Variants in FHDC1 observed in about 807,000 individuals in gnomAD.
The protein encoded by FHDC1 is FH2 domain-containing protein 1.
In FHDC1, 25 loss-of-function variants were observed where a neutral mutation model predicts 52.6. The observed-to-expected ratio is 0.48, with a 90% CI of 0.35 to 0.66. The LOEUF (loss-of-function observed/expected upper bound fraction) is 0.66, where lower values mean the gene tolerates loss of function less well. FHDC1 is among the 30% of genes least tolerant of loss of function. The pLI is 0.01. For synonymous variants in FHDC1, 616 were observed against 581.5 expected (o/e 1.06, Z -0.85); for missense variants, 1,459 against 1,452.8 (o/e 1.00, Z -0.07).
intron 6 of FHDC1, among the ~76,000 whole-genome samples, chr4:152,962,193 C>T (rs917886951): frequency 2.6e-5 from 4 of 151,978 alleles, no homozygotes; most frequent in African/African-American, 4.8e-5. Context: ...ACTAGTTTAC[C>T]AATATATTAC....
In FHDC1 at chr4:152,975,970, C is replaced by G. The variant is rs756965717; in HGVS notation, c.2679C>G (p.Thr893=). 1.3e-6 allele frequency: 2 copies of G among 1,522,658 alleles called. No homozygotes were observed. The highest frequency in any genetic ancestry group is 1.8e-6 in the Non-Finnish European group (2 of 1,137,748). The allele number at this position is 1,522,658 out of a possible 1,614,324, so 94.3% of individuals were successfully genotyped here. The change falls in exon 12 of 12, where the codon ACC becomes ACG. Residue 893 remains threonine (T), a synonymous_variant. Transcript: ENST00000511601. ...GGGCAGTGGCCAAGTCTGTGCGGAC[C>G]CTGACCGCCTCAGAGAACGAGAGCA... ...SQGAVAKSVR[T]LTASENESMR...
At chr4:152,937,575 A>G (rs1739428121) in intron 1 of FHDC1, among the ~76,000 whole-genome samples, 1 of 151,492 alleles carries the variant, frequency 6.6e-6, no homozygotes, top group Non-Finnish European at 1.5e-5. Context: ...CGGACGGGAG[A>G]GCGGTCGGCG....
At chr4:152,937,607 G>A (rs1200361269) in intron 1 of FHDC1, among the ~76,000 whole-genome samples, 1 of 151,642 alleles carries the variant, frequency 6.6e-6, no homozygotes, top group Non-Finnish European at 1.5e-5. Context: ...CGAGGGTCGT[G>A]CAACGCCCGC....
chr4:152,954,154 G>A, intron 3 of FHDC1, 63 bp from the exon 4 acceptor site: 1 of 1,395,908 alleles, frequency 7.2e-7, no homozygotes. Context: ...ATTTCCACTG[G>A]CTTGCACCTC....
chr4:152,957,920 A>C (rs925833), intron 4 of FHDC1, among the ~76,000 whole-genome samples: 87,550 of 151,718 alleles, frequency 0.58, 26,668 homozygotes, highest in African/African-American at 0.76. Flanking sequence ...GCCAGGGAAC[A>C]CCCCCACCAC....
the FHDC1 span, among the ~76,000 whole-genome samples, chr4:152,913,758 A>C: frequency 1.3e-5 from 2 of 152,236 alleles, no homozygotes; most frequent in Non-Finnish European, 2.9e-5. Flanking sequence ...GGCTCACTGC[A>C]ACCTCCGCCT....
At chr4:152,930,893 T>C in the FHDC1 span, among the ~76,000 whole-genome samples, 2 of 151,852 alleles carry the variant, frequency 1.3e-5, no homozygotes, top group African/African-American at 2.4e-5. Context: ...CACCAACATG[T>C]CCCTTTGCCC....
chr4:152,942,831 C>T, intron 1 of FHDC1, 97 bp from the exon 2 acceptor site: 1 of 459,402 alleles, frequency 2.2e-6, no homozygotes, highest in Admixed American at 3.8e-5. Flanking sequence ...TTTTCATATC[C>T]AACTCATATG....
intron 8 of FHDC1, among the ~76,000 whole-genome samples, chr4:152,964,214 A>T (rs1480622397): frequency 1.3e-5 from 2 of 152,234 alleles, no homozygotes; most frequent in African/African-American, 4.8e-5. Flanking sequence ...TGAGCTCTCC[A>T]TAAATAACCA....
intron 11 of FHDC1, among the ~76,000 whole-genome samples, chr4:152,973,251 G>A (rs1217932002): frequency 6.6e-6 from 1 of 152,206 alleles, no homozygotes; most frequent in Non-Finnish European, 1.5e-5. Context: ...GGGTGGTGTT[G>A]AGGAAGCAAA....
At chr4:152,974,485 T>TAC (rs148342777) in intron 11 of FHDC1, among the ~76,000 whole-genome samples, 190 bp from the exon 12 acceptor site, 3 of 151,852 alleles carry the variant, frequency 2.0e-5, no homozygotes, top group Non-Finnish European at 4.4e-5. Flanking sequence ...ACCCTCCCTC[T>TAC]ACACACACAC....
chr4:152,968,610 G>A (rs1372357605), intron 10 of FHDC1, among the ~76,000 whole-genome samples: 1 of 152,166 alleles, frequency 6.6e-6, no homozygotes, highest in African/African-American at 2.4e-5. Flanking sequence ...GATTACAGGT[G>A]TGAGCCACCG....
Position 152,976,558 on chromosome 4 carries a change from C to G in FHDC1, c.3267C>G (p.Ala1089=). Reference sequence around the variant, plus strand: ...AGGACAGCAGCACTTTGAGGCGAGCCAGCAGTGCCCGGGCCCCCAAGAAGC... The same window carrying G: ...AGGACAGCAGCACTTTGAGGCGAGCGAGCAGTGCCCGGGCCCCCAAGAAGC... ...APKDSSTLRR[A]SSARAPKKRP... Residue 1089 remains alanine (A), a synonymous_variant, in exon 12 of 12, where the codon GCC becomes GCG. Transcript: ENST00000511601. The G allele has an allele frequency of 6.2e-7, 1 of 1,612,860 alleles. No homozygotes were observed.
intron 8 of FHDC1, among the ~76,000 whole-genome samples, chr4:152,963,780 T>TG (rs1740365015): frequency 5.3e-5 from 6 of 113,520 alleles, no homozygotes; most frequent in East Asian, 2.8e-4. Context: ...TTTTTTTTTT[T>TG]TTTTTTTTTT....
the FHDC1 span, among the ~76,000 whole-genome samples, chr4:152,920,789 G>A: frequency 6.6e-6 from 1 of 151,842 alleles, no homozygotes; most frequent in African/African-American, 2.4e-5. Context: ...TTTATTAAAA[G>A]TAAATCAATA....
In FHDC1 at chr4:152,960,450, T is replaced by A. The variant is rs1174200870; in HGVS notation, c.664-115T>A. The A allele has an allele frequency of 3.2e-6, 3 of 936,900 alleles. No individual in the cohort carries two copies. In the East Asian group the frequency reaches 7.9e-5, roughly 25 times the overall value. The allele number at this position is 936,900 out of a possible 1,614,324, so 58.0% of individuals were successfully genotyped here. A position where few individuals can be genotyped will look rare whatever the true frequency, so the allele number is the denominator to read the frequency against. On this transcript the variant is annotated intron_variant, in intron 4 of 11. Transcript: ENST00000511601. ...CTTTTTTGTCTTTTCTAAATTAATT[T>A]GAATTTAGCACTAAAATCCTATTTT...
At chr4:152,948,661 T>G (rs1158380120) in intron 2 of FHDC1, among the ~76,000 whole-genome samples, 1 of 152,064 alleles carries the variant, frequency 6.6e-6, no homozygotes, top group Non-Finnish European at 1.5e-5. Flanking sequence ...TCATCATGTT[T>G]GCCAGGCTGG....
chr4:152,960,176 A>T (rs1210284095), intron 4 of FHDC1, among the ~76,000 whole-genome samples: 2 of 152,178 alleles, frequency 1.3e-5, no homozygotes, highest in Admixed American at 6.5e-5. Flanking sequence ...ATGACTCTAC[A>T]GTCTTTTATT....
chr4:152,933,812 G>A (rs1369606634), upstream of FHDC1, among the ~76,000 whole-genome samples: 1 of 151,428 alleles, frequency 6.6e-6, no homozygotes, highest in Non-Finnish European at 1.5e-5. Context: ...GAAATGGGAC[G>A]CATCCAATTG....
Sources: allele counts gnomAD v4.1 joint callset (sites outside exome capture counted in the v4.1 genomes callset), GRCh38; gene constraint gnomAD v4.1.1; transcripts MANE v1.5; gene names NCBI Gene and HGNC (gene_info 2026-07-23, HGNC 2026-07-21).